Variants in CPPED1 observed in about 807,000 individuals in gnomAD.
CPPED1 encodes calcineurin like phosphoesterase domain containing 1.
In CPPED1, 28 loss-of-function variants were observed where a neutral mutation model predicts 28.0. The observed-to-expected ratio is 1.00, with a 90% CI of 0.74 to 1.37. The LOEUF (loss-of-function observed/expected upper bound fraction) is 1.37, where lower values mean the gene tolerates loss of function less well. CPPED1 is among the 40% of genes most tolerant of loss of function. The probability of loss-of-function intolerance (pLI) is 0.00; values close to 1 mark genes in which losing one functional copy is unlikely to be tolerated. For missense variants in CPPED1, 504 were observed against 416.5 expected, an observed-to-expected ratio of 1.21 and a Z score of -1.83; for synonymous variants, 198 against 180.2, an observed-to-expected ratio of 1.10 and a Z score of -0.79.
intron 2 of CPPED1, among the ~76,000 whole-genome samples, chr16:12,726,613 G>C (rs1198702323): frequency 6.6e-6 from 1 of 152,062 alleles, no homozygotes; most frequent in Non-Finnish European, 1.5e-5. Flanking sequence ...AAAGTGCTAG[G>C]ATTACAGGCG....
chr16:12,679,249 A>G (rs971531461), intron 3 of CPPED1, among the ~76,000 whole-genome samples: 1 of 152,178 alleles, frequency 6.6e-6, no homozygotes, highest in African/African-American at 2.4e-5. Flanking sequence ...AGGTTCACGG[A>G]CTTACTATGG....
chr16:12,718,662 A>G (rs888233939), intron 2 of CPPED1, among the ~76,000 whole-genome samples: 1 of 151,952 alleles, frequency 6.6e-6, no homozygotes, highest in Admixed American at 6.6e-5. Flanking sequence ...CTTTTATTCA[A>G]ATCTGAAAAT....
intron 3 of CPPED1, among the ~76,000 whole-genome samples, chr16:12,693,505 T>A (rs1023539854): frequency 4.6e-5 from 7 of 152,192 alleles, no homozygotes; most frequent in Non-Finnish European, 8.8e-5. Flanking sequence ...CATGCTATTT[T>A]TTTTTTACTT....
At chr16:12,773,249 G>A (rs551363560) in intron 2 of CPPED1, among the ~76,000 whole-genome samples, 21 of 152,286 alleles carry the variant, frequency 1.4e-4, no homozygotes, top group Admixed American at 1.1e-3. Flanking sequence ...AGGTCATCCT[G>A]CGTTATTCAG....
At chr16:12,698,008 G>C (rs936783118) in intron 3 of CPPED1, among the ~76,000 whole-genome samples, 1 of 152,084 alleles carries the variant, frequency 6.6e-6, no homozygotes, top group South Asian at 2.1e-4. Flanking sequence ...TACTTGGGAG[G>C]CTGAGTCAGG....
chr16:12,791,759 C>T (rs2080597948), intron 1 of CPPED1, among the ~76,000 whole-genome samples: 1 of 152,192 alleles, frequency 6.6e-6, no homozygotes, highest in Non-Finnish European at 1.5e-5. Flanking sequence ...ACAGAGCCAC[C>T]ATCCTGAAAG....
intron 1 of CPPED1, 24 bp downstream of exon 1, chr16:12,803,682 TC>T (rs1310500375): frequency 1.3e-6 from 2 of 1,506,866 alleles, no homozygotes; most frequent in South Asian, 1.2e-5. Context: ...CAGAGTCCCC[TC>T]CCCGGGTGAG....
At chr16:12,707,179 G>A (rs1334120910) in intron 2 of CPPED1, among the ~76,000 whole-genome samples, 2 of 152,158 alleles carry the variant, frequency 1.3e-5, no homozygotes, top group African/African-American at 2.4e-5. Context: ...CGACCCTTGT[G>A]GTCCAAGGCT....
chr16:12,695,740 G>A (rs1309836271), intron 3 of CPPED1, among the ~76,000 whole-genome samples: 1 of 152,174 alleles, frequency 6.6e-6, no homozygotes, highest in Non-Finnish European at 1.5e-5. Context: ...AACCCATCTG[G>A]CTGTTTTTGT....
chr16:12,676,937 C>G (rs892219460), intron 3 of CPPED1, among the ~76,000 whole-genome samples: 2 of 152,132 alleles, frequency 1.3e-5, no homozygotes, highest in Admixed American at 1.3e-4. Context: ...CCTAACTCAG[C>G]CTGTAAGTGT....
rs2080677569 is a variant in CPPED1 at position 12,803,874 on chromosome 16, C to CG, written c.-99dup. The CG allele has an allele frequency of 8.2e-7, 1 of 1,218,642 alleles. No individual in the cohort carries two copies. Among genetic ancestry groups the CG allele is most frequent in the Non-Finnish European group, 1.1e-6 (1 of 887,692 alleles). 75.5% of individuals were successfully genotyped at this position (1,218,642 alleles called of 1,614,324 possible). ...GCTGGACCTGTCCCGCTTTGGGCGA[C>CG]GCCCTTTGATCTCGGGGCGGGACTG... On this transcript the variant is annotated 5_prime_UTR_variant, in exon 1 of 4. Transcript: ENST00000381774.
intron 2 of CPPED1, among the ~76,000 whole-genome samples, chr16:12,775,857 C>T (rs1218995001): frequency 2.0e-5 from 3 of 152,208 alleles, no homozygotes; most frequent in African/African-American, 4.8e-5. Flanking sequence ...ATGACACCTC[C>T]TTTGCAAGAC....
intron 1 of CPPED1, 90 bp from the exon 2 acceptor site, chr16:12,781,493 T>C (rs1205451043): frequency 8.6e-7 from 1 of 1,156,156 alleles, no homozygotes; most frequent in African/African-American, 1.6e-5. Flanking sequence ...GGATACACTA[T>C]TTTTCTTAAA....
At chr16:12,743,100 G>A (rs1400263374) in intron 2 of CPPED1, among the ~76,000 whole-genome samples, 1 of 152,138 alleles carries the variant, frequency 6.6e-6, no homozygotes, top group Non-Finnish European at 1.5e-5. Context: ...AGGAAAGGTG[G>A]GTGTTCAGCA....
At chr16:12,789,097 T>C (rs927727940) in intron 1 of CPPED1, among the ~76,000 whole-genome samples, 2 of 152,220 alleles carry the variant, frequency 1.3e-5, no homozygotes, top group African/African-American at 4.8e-5. Flanking sequence ...TAAATATACC[T>C]GGCTTTCTGG....
intron 2 of CPPED1, among the ~76,000 whole-genome samples, chr16:12,724,927 C>T (rs1463843317): frequency 2.6e-5 from 4 of 151,964 alleles, no homozygotes; most frequent in African/African-American, 9.7e-5. Flanking sequence ...GCTGGGACTA[C>T]AGGCACCTGC....
chr16:12,740,528 G>C (rs1160483247), intron 2 of CPPED1, among the ~76,000 whole-genome samples: 1 of 152,012 alleles, frequency 6.6e-6, no homozygotes, highest in Non-Finnish European at 1.5e-5. Flanking sequence ...ATTAGGTCTG[G>C]TCCTTGCACT....
chr16:12,706,921 G>T (rs890018694), intron 2 of CPPED1, among the ~76,000 whole-genome samples: 5 of 152,182 alleles, frequency 3.3e-5, no homozygotes, highest in African/African-American at 1.2e-4. Flanking sequence ...GAGCCTTAGG[G>T]AGAAGCAGGT....
intron 2 of CPPED1, among the ~76,000 whole-genome samples, chr16:12,729,491 A>G (rs2080186486): frequency 6.6e-6 from 1 of 152,208 alleles, no homozygotes; most frequent in Non-Finnish European, 1.5e-5. Context: ...TAATCATTCT[A>G]TCTAATAAAG....
Sources: gnomAD v4.1 joint callset for allele counts (sites outside exome capture counted in the v4.1 genomes callset) on GRCh38, gnomAD v4.1.1 for gene constraint, MANE v1.5 for transcripts, NCBI Gene and HGNC (gene_info 2026-07-23, HGNC 2026-07-21) for gene names.